The following NOL10 variants were observed in gnomAD, a reference collection of about 807,000 sequenced individuals.
NOL10 encodes the protein nucleolar protein 10.
NOL10 carries 58 observed loss-of-function variants against 103.5 expected under a neutral mutation model. The observed-to-expected ratio is 0.56, with a 90% CI of 0.45 to 0.70. The LOEUF is 0.70. Among genes scored for constraint, NOL10 ranks in the 30% least tolerant of loss-of-function variants. The pLI is 0.00. For synonymous variants in NOL10, 287 were observed against 282.5 expected (o/e 1.02, Z -0.16); for missense variants, 763 against 807.3 (o/e 0.95, Z 0.67).
intron 14 of NOL10, among the ~76,000 whole-genome samples, chr2:10,605,057 C>T (rs1676176385): frequency 6.6e-6 from 1 of 152,148 alleles, no homozygotes; most frequent in African/African-American, 2.4e-5. Flanking sequence ...CCAGGCAACC[C>T]TATAGGTTGG....
At chr2:10,659,341 T>TG (rs35723682) in intron 9 of NOL10, 91 bp from the exon 10 acceptor site, 4,646 of 249,820 alleles carry the variant, frequency 0.019, 202 homozygotes, top group African/African-American at 0.034. Flanking sequence ...TCAAATCTAA[T>TG]GGGGGGGGGG....
chr2:10,675,629 C>G (rs765523037), intron 4 of NOL10, among the ~76,000 whole-genome samples, 165 bp downstream of exon 4: 5 of 152,168 alleles, frequency 3.3e-5, no homozygotes, highest in Non-Finnish European at 7.4e-5. Flanking sequence ...AAGATCTACA[C>G]AACTGTGAGC....
At chr2:10,655,314 A>C (rs6715461) in intron 11 of NOL10, among the ~76,000 whole-genome samples, 34,277 of 151,966 alleles carry the variant, frequency 0.23, 4,131 homozygotes, top group South Asian at 0.47. Flanking sequence ...GAAAGGAAAA[A>C]AGAAAAGAAA....
rs1681189933 is a variant in NOL10 at position 10,674,764 on chromosome 2, G to C, written c.289+1030C>G. Among the ~76,000 whole-genome samples the C allele has an allele frequency of 2.6e-5, 4 of 152,350 alleles. No individual in the cohort carries two copies. The South Asian group carries it at 8.3e-4, about 32-fold the overall frequency. The stretch of plus-strand genomic sequence containing the variant: ...AGGCAGGAGAATCACTTCAATCTGG[G>C]AGGTGGAGTTTACAGTGAGCCAAGA... On this transcript the variant is annotated intron_variant, in intron 4 of 20. Coordinates refer to ENST00000381685, the MANE Select transcript of NOL10 (RefSeq NM_024894.4).
chr2:10,589,656 C>T lies in NOL10; in HGVS notation c.1518G>A (p.Leu506=). The T allele has an allele frequency of 6.3e-7, 1 of 1,591,386 alleles. No individual in the cohort carries two copies. The highest frequency in any genetic ancestry group is 8.5e-7 in the Non-Finnish European group (1 of 1,170,380). The change falls in exon 18 of 21, where the codon CTG becomes CTA. Residue 506 remains leucine (L), a synonymous_variant. Transcript: ENST00000381685. The part of the protein sequence containing the change: ...VDEESEEFRL[L]NPLVSKISEK... The stretch of plus-strand genomic sequence containing the variant: ...CACTAATTTTTGAAACAAGTGGATT[C>T]AGAAGCCTAAATTCTTCACTCTCTT...
intron 12 of NOL10, among the ~76,000 whole-genome samples, chr2:10,646,488 A>G (rs998731332): frequency 1.3e-5 from 2 of 152,266 alleles, no homozygotes; most frequent in Non-Finnish European, 2.9e-5. Context: ...TGATACAAGC[A>G]GGTCTACTAC....
At chr2:10,685,251 T>G (rs1039054822) in intron 1 of NOL10, among the ~76,000 whole-genome samples, 2 of 152,188 alleles carry the variant, frequency 1.3e-5, no homozygotes, top group Admixed American at 6.5e-5. Context: ...CCAGGCATGG[T>G]GGCTCACGCC....
intron 13 of NOL10, among the ~76,000 whole-genome samples, chr2:10,614,113 C>T (rs1676714187): frequency 6.6e-6 from 1 of 152,076 alleles, no homozygotes; most frequent in African/African-American, 2.4e-5. Flanking sequence ...GCATGCACTA[C>T]CACACCCAGC....
intron 13 of NOL10, among the ~76,000 whole-genome samples, chr2:10,632,812 G>A (rs1025858105): frequency 6.6e-6 from 1 of 151,988 alleles, no homozygotes; most frequent in Non-Finnish European, 1.5e-5. Flanking sequence ...ATTAAAATGT[G>A]AAATTTTTAA....
chr2:10,663,767 G>A lies in NOL10; in HGVS notation c.592-723C>T, dbSNP rs1045099763. On this transcript the variant is annotated intron_variant, in intron 8 of 20. Transcript: ENST00000381685. ...GATCGAGACCATCCTGGCTAACACA[G>A]TGAAACCCAGTCTCTACTAAAAAAT... Among the ~76,000 whole-genome samples the A allele has an allele frequency of 3.7e-4, 56 of 151,970 alleles. 1 individual carries two copies. The highest frequency in any genetic ancestry group is 8.3e-4 in the South Asian group (4 of 4,814).
chr2:10,636,484 T>C (rs1188540355), intron 13 of NOL10, among the ~76,000 whole-genome samples: 2 of 144,356 alleles, frequency 1.4e-5, no homozygotes, highest in African/African-American at 5.1e-5. Context: ...GGCATATACC[T>C]GTAGTCCCAG....
At chr2:10,663,103 A>C in intron 8 of NOL10, 59 bp from the exon 9 acceptor site, 1 of 1,403,740 alleles carries the variant, frequency 7.1e-7, no homozygotes, top group Non-Finnish European at 1.0e-6. Context: ...ATGGTGGCTC[A>C]TGCCTGTAAT....
intron 13 of NOL10, among the ~76,000 whole-genome samples, chr2:10,621,430 T>C (rs1348658697): frequency 6.6e-6 from 1 of 152,032 alleles, no homozygotes; most frequent in Non-Finnish European, 1.5e-5. Context: ...TCCATCTCTA[T>C]AAAACATACG....
chr2:10,645,594 C>T (rs1051557485), intron 12 of NOL10, among the ~76,000 whole-genome samples: 1 of 147,518 alleles, frequency 6.8e-6, no homozygotes, highest in African/African-American at 2.5e-5. Flanking sequence ...AGTGCAGTGG[C>T]GTGGTCTCGG....
intron 9 of NOL10, among the ~76,000 whole-genome samples, chr2:10,661,988 T>C (rs1165997383): frequency 6.6e-6 from 1 of 152,216 alleles, no homozygotes; most frequent in Non-Finnish European, 1.5e-5. Context: ...TTCACTGTTT[T>C]TCTGATAACA....
chr2:10,624,580 T>C (rs1022477084), intron 13 of NOL10, among the ~76,000 whole-genome samples: 5 of 151,680 alleles, frequency 3.3e-5, no homozygotes, highest in African/African-American at 7.3e-5. Flanking sequence ...CAAAAGCTTA[T>C]AGATGGGAAA....
rs761634365 is a variant in NOL10, at chr2:10,577,742, T to A, written c.1845-4A>T. On this transcript the variant is annotated splice_region_variant and splice_polypyrimidine_tract_variant and intron_variant, in intron 19 of 20. Coordinates refer to ENST00000381685, the MANE Select transcript of NOL10 (RefSeq NM_024894.4). Reference sequence around the variant, plus strand: ...CAAACGATCTTCAAGGGTTTTGCTATGGGAAATTCAAAAGAATGCCACATT... The same window carrying A: ...CAAACGATCTTCAAGGGTTTTGCTAAGGGAAATTCAAAAGAATGCCACATT... The A allele has an allele frequency of 4.4e-6, 7 of 1,589,616 alleles. No homozygotes were observed. Among genetic ancestry groups the A allele is most frequent in the Middle Eastern group, 3.3e-4 (2 of 6,032 alleles).
chr2:10,603,041 G>T, intron 15 of NOL10, 37 bp downstream of exon 15: 1 of 1,513,286 alleles, frequency 6.6e-7, no homozygotes, highest in Non-Finnish European at 9.1e-7. Context: ...CTGCGCATTA[G>T]TTACCTGAAA....
At chr2:10,611,120 T>G (rs6721739) in intron 13 of NOL10, among the ~76,000 whole-genome samples, 90,014 of 152,074 alleles carry the variant, frequency 0.59, 27,656 homozygotes, top group African/African-American at 0.74. Context: ...CAGGTCAGTA[T>G]TAATAAAAGT....
Sources: gnomAD v4.1 joint callset for allele counts (sites outside exome capture counted in the v4.1 genomes callset) on GRCh38, gnomAD v4.1.1 for gene constraint, MANE v1.5 for transcripts, NCBI Gene and HGNC (gene_info 2026-07-23, HGNC 2026-07-21) for gene names.